The following ERGIC3 variants were observed in gnomAD, a reference collection of about 807,000 sequenced individuals.
The protein encoded by ERGIC3 is ERGIC and golgi 3, also known as endoplasmic reticulum-Golgi intermediate compartment protein 3.
Under a neutral mutation model 54.7 loss-of-function variants are expected in ERGIC3, and 33 were observed. The ratio of observed to expected loss-of-function variants is 0.60; its 90% CI spans 0.46 to 0.81. The LOEUF (loss-of-function observed/expected upper bound fraction) is 0.81, where lower values mean the gene tolerates loss of function less well. Among genes scored for constraint, ERGIC3 ranks in the 30% least tolerant of loss-of-function variants. ERGIC3 has a pLI of 0.00. For synonymous variants in ERGIC3, 186 were observed against 189.8 expected, an observed-to-expected ratio of 0.98 and a Z score of 0.16; for missense variants, 399 against 488.4, an observed-to-expected ratio of 0.82 and a Z score of 1.73.
chr20:35,556,915 T>C, intron 10 of ERGIC3, 58 bp from the exon 11 acceptor site: 3 of 1,609,990 alleles, frequency 1.9e-6, no homozygotes, highest in South Asian at 1.1e-5. Context: ...GTGGGGCTGA[T>C]GGTGGCTGGA....
intron 5 of ERGIC3, 129 bp from the exon 6 acceptor site, chr20:35,548,380 T>G: frequency 1.1e-6 from 1 of 951,220 alleles, no homozygotes; most frequent in Non-Finnish European, 1.5e-6. Context: ...TTGGAGAATG[T>G]TTGGTGGTCA....
chr20:35,549,818 G>A (rs2064672073), intron 7 of ERGIC3: 1 of 152,254 alleles, frequency 6.6e-6, no homozygotes, highest in African/African-American at 2.4e-5. Context: ...TGTATTTTTA[G>A]TAGAGATGGG....
At position 35,553,020 on chromosome 20, in the gene ERGIC3, ATTTTTTTT is replaced by A. The variant is rs141438822; in HGVS notation, c.686-2003_686-1996del. Among the ~76,000 whole-genome samples the A allele has an allele frequency of 7.1e-3, 297 of 41,568 alleles. 2 individuals are homozygous for A. The highest frequency in any genetic ancestry group is 0.018 in the African/African-American group (215 of 12,098). The allele number at this position is 41,568 out of a possible 152,430, so 27.3% of individuals were successfully genotyped here. ...TTTGCCCTGAGCTTCAAAGCTGGGGATTTTTTTTTTTTTTTTTTTTTTTTTTTTGAGGC... is the reference window on the plus strand; with the variant it reads ...TTTGCCCTGAGCTTCAAAGCTGGGGATTTTTTTTTTTTTTTTTTTTGAGGC... On this transcript the variant is annotated intron_variant, in intron 7 of 12. Transcript: ENST00000348547.
intron 7 of ERGIC3, among the ~76,000 whole-genome samples, chr20:35,551,225 C>A (rs752412129): frequency 4.0e-5 from 6 of 150,834 alleles, no homozygotes; most frequent in Admixed American, 4.0e-4. Context: ...ACCCAGGAGG[C>A]GGAGGTTGCA....
At chr20:35,553,709 C>T (rs2064695366) in intron 7 of ERGIC3, among the ~76,000 whole-genome samples, 1 of 152,098 alleles carries the variant, frequency 6.6e-6, no homozygotes, top group African/African-American at 2.4e-5. Context: ...CTCTGGGACC[C>T]CCTCTTCACT....
intron 7 of ERGIC3, chr20:35,549,565 C>T: frequency 5.5e-6 from 1 of 180,686 alleles, no homozygotes; most frequent in South Asian, 1.1e-4. Context: ...TAAATAGTCC[C>T]CAATTAACAA....
chr20:35,555,987 A>C (rs1285905329), intron 8 of ERGIC3, 46 bp from the exon 9 acceptor site: 11 of 1,579,916 alleles, frequency 7.0e-6, no homozygotes, highest in Non-Finnish European at 9.6e-6. Context: ...CCTGTCTGCT[A>C]CTGTCATCAG....
intron 4 of ERGIC3, among the ~76,000 whole-genome samples, chr20:35,545,959 G>A (rs1320285585): frequency 1.3e-5 from 2 of 152,124 alleles, no homozygotes; most frequent in African/African-American, 2.4e-5. Context: ...ATAGGTCTAC[G>A]GCCTGTACCC....
At chr20:35,543,628 G>C (rs752420052) in intron 4 of ERGIC3, 2 of 471,146 alleles carry the variant, frequency 4.2e-6, no homozygotes, top group Non-Finnish European at 8.8e-6. Context: ...AGATTACTCT[G>C]GTGGGGAGTT....
At chr20:35,548,705 C>G (rs754185898) in intron 6 of ERGIC3, 31 bp downstream of exon 6, 11 of 1,614,034 alleles carry the variant, frequency 6.8e-6, no homozygotes, top group Middle Eastern at 1.6e-4. Context: ...AAGATAGGGC[C>G]AGCTGGGCTG....
chr20:35,551,949 T>G (rs1008298746), intron 7 of ERGIC3, among the ~76,000 whole-genome samples: 2 of 151,408 alleles, frequency 1.3e-5, no homozygotes, highest in African/African-American at 2.4e-5. Context: ...AAATGTGGAG[T>G]CGAGGGAGGC....
intron 7 of ERGIC3, among the ~76,000 whole-genome samples, chr20:35,550,295 G>C (rs116453065): frequency 0.013 from 1,918 of 152,116 alleles, 38 homozygotes; most frequent in African/African-American, 0.043. Flanking sequence ...GGTTAGGGTG[G>C]CTGGAGCAGA....
In ERGIC3 at chr20:35,552,045, G is replaced by A. The variant is rs535924059; in HGVS notation, c.686-2999G>A. Among the ~76,000 whole-genome samples, 147 of 152,306 alleles carry A rather than the reference G, an allele frequency of 9.7e-4. 2 individuals are homozygous for A. In the South Asian group the frequency reaches 0.022, roughly 23 times the overall value. ...AGCATAAGTGATGCTCCAGAGACGA[G>A]ACAGTGACCGGAGTGAAGTCCTGGA... On this transcript the variant is annotated intron_variant, in intron 7 of 12. Coordinates refer to ENST00000348547, the MANE Select transcript of ERGIC3 (RefSeq NM_015966.3).
chr20:35,556,293 C>G (rs760478462), intron 10 of ERGIC3, 22 bp downstream of exon 10: 1 of 1,613,498 alleles, frequency 6.2e-7, no homozygotes, highest in Non-Finnish European at 8.5e-7. Flanking sequence ...AGCTCCCTAC[C>G]AGAGTCTCCT....
chr20:35,542,186 G>A lies in ERGIC3; in HGVS notation c.88+1G>A. 1.3e-6 allele frequency: 2 copies of A among 1,580,274 alleles called. No homozygotes were observed. The highest frequency in any genetic ancestry group is 1.7e-6 in the Non-Finnish European group (2 of 1,162,128). On this transcript the variant is annotated splice_donor_variant, in intron 1 of 12. Transcript: ENST00000348547. LOFTEE classifies it high-confidence loss of function. ...GTCAAGACCTGCGGGGGCGCCACCGGTAGGCCGCAGCGGGGCCGGGGTCGC... is the reference window on the plus strand; with the variant it reads ...GTCAAGACCTGCGGGGGCGCCACCGATAGGCCGCAGCGGGGCCGGGGTCGC...
chr20:35,554,713 C>CT, intron 7 of ERGIC3: 1 of 587,970 alleles, frequency 1.7e-6, no homozygotes, highest in Non-Finnish European at 3.0e-6. Context: ...GATTTGCCAT[C>CT]AGCTCTAGTT....
At position 35,542,357 on chromosome 20, in the gene ERGIC3, G is replaced by C; in HGVS notation, c.123G>C (p.Leu41=). 1 of 1,613,948 alleles carries C rather than the reference G, an allele frequency of 6.2e-7. No individual in the cohort carries two copies. The highest frequency in any genetic ancestry group is 8.5e-7 in the Non-Finnish European group (1 of 1,180,012). Residue 41 remains leucine (L), a synonymous_variant, in exon 2 of 13, where the codon CTG becomes CTC. Coordinates refer to ENST00000348547, the MANE Select transcript of ERGIC3 (RefSeq NM_015966.3). ...TCAGTGGCCTTCTCATGCTGCTACT[G>C]TTCCTGTCCGAGCTGCAGTATTACC... ...TIVSGLLMLL[L]FLSELQYYLT...
chr20:35,548,563 C>T lies in ERGIC3; in HGVS notation c.516C>T (p.Ala172=), dbSNP rs915537140. 1.2e-6 allele frequency: 2 copies of T among 1,614,256 alleles called. No individual in the cohort carries two copies. Among genetic ancestry groups the T allele is most frequent in the Admixed American group, 1.7e-5 (1 of 60,026 alleles). Residue 172 remains alanine, a synonymous_variant, in exon 6 of 13, where the codon GCC becomes GCT. Transcript: ENST00000348547. ...AGGCATATCGCCGTAGAGGCTGGGC[C>T]TTCAAGAACCCAGATACTATTGAGC... ...VREAYRRRGW[A]FKNPDTIEQC... is the part of the protein sequence containing the mutation.
chr20:35,542,396 A>G lies in ERGIC3; in HGVS notation c.159+3A>G. 1 of 1,613,896 alleles carries G rather than the reference A, an allele frequency of 6.2e-7. No individual in the cohort carries two copies. The highest frequency in any genetic ancestry group is 8.5e-7 in the Non-Finnish European group (1 of 1,179,994). ...TGCAGTATTACCTCACCACGGAGGT[A>G]AGGGGCGGGGCTTAGTGCGTGGGCG... On this transcript the variant is annotated splice_donor_region_variant and intron_variant, in intron 2 of 12. Transcript: ENST00000348547.
Sources: gnomAD v4.1 joint callset for allele counts (sites outside exome capture counted in the v4.1 genomes callset) on GRCh38, gnomAD v4.1.1 for gene constraint, MANE v1.5 for transcripts, NCBI Gene and HGNC (gene_info 2026-07-23, HGNC 2026-07-21) for gene names.